KCNIP4: variants seen among roughly 807,000 people sequenced by gnomAD.
KCNIP4 encodes the protein Kv channel-interacting protein 4.
KCNIP4 carries 12 observed loss-of-function variants against 34.0 expected under a neutral mutation model. The ratio of observed to expected loss-of-function variants is 0.35; its 90% confidence interval spans 0.23 to 0.57. The LOEUF (loss-of-function observed/expected upper bound fraction) is 0.57. Among genes scored for constraint, KCNIP4 ranks in the 20% least tolerant of loss-of-function variants. KCNIP4 has a pLI of 0.83. For missense variants in KCNIP4, 238 were observed against 311.7 expected (o/e 0.76, Z 1.78); for synonymous variants, 124 against 102.2 (o/e 1.21, Z -1.29).
intron 1 of KCNIP4, among the ~76,000 whole-genome samples, chr4:21,493,069 C>G (rs1017149599): frequency 6.6e-6 from 1 of 152,164 alleles, no homozygotes; most frequent in Non-Finnish European, 1.5e-5. Context: ...TTATAGCTTT[C>G]TCGTCTTTGG....
intron 1 of KCNIP4, among the ~76,000 whole-genome samples, chr4:21,063,385 G>A (rs28420233): frequency 0.023 from 3,434 of 152,250 alleles, 120 homozygotes; most frequent in African/African-American, 0.077. Flanking sequence ...TGGGGTTAGG[G>A]GAGTAAGCTA....
chr4:21,371,890 T>C (rs1351817568), intron 1 of KCNIP4, among the ~76,000 whole-genome samples: 3 of 147,218 alleles, frequency 2.0e-5, no homozygotes, highest in Non-Finnish European at 4.4e-5. Context: ...GCTCTTAAAG[T>C]TCAACAGTTA....
intron 1 of KCNIP4, among the ~76,000 whole-genome samples, chr4:21,349,393 C>T (rs1286039895): frequency 6.6e-6 from 1 of 152,202 alleles, no homozygotes; most frequent in East Asian, 1.9e-4. Context: ...TGTTTTCCTG[C>T]TGAAATAGAG....
chr4:21,556,935 A>AAAAAAAAACAAAAAAAAACAAAAC (rs1560514306), intron 1 of KCNIP4, among the ~76,000 whole-genome samples: 1 of 149,146 alleles, frequency 6.7e-6, no homozygotes, highest in Non-Finnish European at 1.5e-5. Context: ...AAAAAAAAAA[A>AAAAAAAAACAAAAAAAAACAAAAC]AAAAAAAACC....
intron 1 of KCNIP4, among the ~76,000 whole-genome samples, chr4:21,580,490 C>T (rs1741124034): frequency 6.6e-6 from 1 of 152,020 alleles, no homozygotes; most frequent in South Asian, 2.1e-4. Flanking sequence ...TGCTTAATAT[C>T]AGCTAGATAA....
chr4:21,815,192 T>C (rs988328188), intron 1 of KCNIP4, among the ~76,000 whole-genome samples: 2 of 152,148 alleles, frequency 1.3e-5, no homozygotes, highest in African/African-American at 4.8e-5. Flanking sequence ...AGCTAGATGA[T>C]CTTGGGCAAG....
chr4:21,644,641 T>C (rs1250189260), intron 1 of KCNIP4, among the ~76,000 whole-genome samples: 1 of 152,170 alleles, frequency 6.6e-6, no homozygotes, highest in Non-Finnish European at 1.5e-5. Flanking sequence ...ACTCTGGGCA[T>C]CTCAGAGTCC....
chr4:21,025,518 T>G (rs1577555860), intron 1 of KCNIP4, among the ~76,000 whole-genome samples: 1 of 106,020 alleles, frequency 9.4e-6, no homozygotes, highest in African/African-American at 4.0e-5. Context: ...GAGAGAGAAC[T>G]GCAAAAAGGT....
At chr4:21,166,885 G>A (rs919329042) in intron 1 of KCNIP4, among the ~76,000 whole-genome samples, 4 of 132,184 alleles carry the variant, frequency 3.0e-5, no homozygotes, top group Non-Finnish European at 6.1e-5. Context: ...GTTGCAGTGA[G>A]CTGAGATCAC....
intron 1 of KCNIP4, among the ~76,000 whole-genome samples, chr4:21,684,678 T>G (rs1166713813): frequency 6.6e-6 from 1 of 152,274 alleles, no homozygotes; most frequent in African/African-American, 2.4e-5. Context: ...TTTTTAAAAT[T>G]ATTATTATAC....
At chr4:21,272,824 A>C (rs1371368263) in intron 1 of KCNIP4, among the ~76,000 whole-genome samples, 1 of 152,182 alleles carries the variant, frequency 6.6e-6, no homozygotes, top group Non-Finnish European at 1.5e-5. Context: ...AAATGTATAT[A>C]TGCTAATGGA....
chr4:21,619,492 A>G (rs1227488942), intron 1 of KCNIP4, among the ~76,000 whole-genome samples: 2 of 152,214 alleles, frequency 1.3e-5, no homozygotes, highest in African/African-American at 2.4e-5. Context: ...ATGCAATCAG[A>G]CAGTCCAAAT....
chr4:20,824,133 T>C (rs1042363336), intron 3 of KCNIP4, among the ~76,000 whole-genome samples: 1 of 152,220 alleles, frequency 6.6e-6, no homozygotes, highest in Admixed American at 6.5e-5. Flanking sequence ...AATATTACCG[T>C]ACAGTTATGC....
At chr4:21,372,930 A>T (rs1486573749) in intron 1 of KCNIP4, among the ~76,000 whole-genome samples, 14 of 146,040 alleles carry the variant, frequency 9.6e-5, no homozygotes, top group Non-Finnish European at 2.9e-5. Context: ...GGTAAATATG[A>T]AACTTAGCTG....
At chr4:21,709,889 G>T (rs1713586026) in intron 1 of KCNIP4, among the ~76,000 whole-genome samples, 1 of 152,082 alleles carries the variant, frequency 6.6e-6, no homozygotes, top group Admixed American at 6.6e-5. Context: ...TAATGCCATA[G>T]GCCAAATGCC....
chr4:21,150,254 G>A (rs867756466), intron 1 of KCNIP4, among the ~76,000 whole-genome samples: 2 of 152,196 alleles, frequency 1.3e-5, no homozygotes, highest in African/African-American at 4.8e-5. Flanking sequence ...GAAAGTTTGA[G>A]ACTGATTTAA....
At chr4:21,831,068 T>TA (rs1182938662) in intron 1 of KCNIP4, among the ~76,000 whole-genome samples, 1 of 151,912 alleles carries the variant, frequency 6.6e-6, no homozygotes, top group African/African-American at 2.4e-5. Flanking sequence ...GTGGGTCAAA[T>TA]AAAAAACTAA....
chr4:21,065,726 C>CTATATATATATATATA, intron 1 of KCNIP4, among the ~76,000 whole-genome samples: 1 of 86,352 alleles, frequency 1.2e-5, no homozygotes, highest in East Asian at 3.4e-4. Context: ...TATCATTTGT[C>CTATATATATATATATA]TATATATATA....
At chr4:21,182,344 G>A (rs1402074631) in intron 1 of KCNIP4, among the ~76,000 whole-genome samples, 1 of 151,946 alleles carries the variant, frequency 6.6e-6, no homozygotes, top group Non-Finnish European at 1.5e-5. Context: ...CTCTTCAGGG[G>A]GACTGACAGC....
Sources: allele counts gnomAD v4.1 joint callset (sites outside exome capture counted in the v4.1 genomes callset), GRCh38; gene constraint gnomAD v4.1.1; transcripts MANE v1.5; gene names NCBI Gene and HGNC (gene_info 2026-07-23, HGNC 2026-07-21).